RRP15: variants seen among roughly 807,000 people sequenced by gnomAD.
The protein encoded by RRP15 is ribosomal RNA processing 15 homolog, also known as RRP15-like protein.
A neutral mutation model predicts 27.1 loss-of-function variants in RRP15; 18 were observed. The ratio of observed to expected loss-of-function variants is 0.66; its 90% CI spans 0.46 to 0.98. The LOEUF is 0.98. RRP15 is among the 50% of genes least tolerant of loss of function. The probability of loss-of-function intolerance (pLI) is 0.00; values close to 1 mark genes in which losing one functional copy is unlikely to be tolerated. For synonymous variants in RRP15, 107 were observed against 109.4 expected, an observed-to-expected ratio of 0.98 and a Z score of 0.14; for missense variants, 359 against 337.8, an observed-to-expected ratio of 1.06 and a Z score of -0.49.
In RRP15 at chr1:218,331,114, C is replaced by T. The variant is rs759739199; in HGVS notation, c.*23C>T. 4 of 1,592,176 alleles carry T rather than the reference C, an allele frequency of 2.5e-6. No homozygotes were observed. Among genetic ancestry groups the T allele is most frequent in the East Asian group, 2.2e-5 (1 of 44,522 alleles). On this transcript the variant is annotated 3_prime_UTR_variant, in exon 5 of 5. Transcript: ENST00000366932. ...TAAAGCATCATAGGAAATACAATTG[C>T]AGTCGTTTTATTTTTTCTAGAAAAA...
At chr1:218,320,744 T>G (rs1410410698) in intron 4 of RRP15, among the ~76,000 whole-genome samples, 1 of 151,176 alleles carries the variant, frequency 6.6e-6, no homozygotes, top group African/African-American at 2.4e-5. Flanking sequence ...TAAATGAAAT[T>G]AAAACAAAAC....
chr1:218,317,004 G>A (rs1033715723), intron 4 of RRP15, among the ~76,000 whole-genome samples: 10 of 152,182 alleles, frequency 6.6e-5, no homozygotes, highest in African/African-American at 2.2e-4. Flanking sequence ...CTAGAAATGT[G>A]TCCACTTTCT....
chr1:218,305,465 G>T (rs771955698), intron 3 of RRP15, among the ~76,000 whole-genome samples: 2 of 152,086 alleles, frequency 1.3e-5, no homozygotes, highest in Non-Finnish European at 2.9e-5. Flanking sequence ...TATATTTATG[G>T]CATAATACAT....
At chr1:218,312,527 G>T (rs1007778187) in intron 4 of RRP15, among the ~76,000 whole-genome samples, 1 of 152,058 alleles carries the variant, frequency 6.6e-6, no homozygotes, top group South Asian at 2.1e-4. Flanking sequence ...GAACTTTGGG[G>T]TAAAATGTTG....
At chr1:218,295,983 G>T (rs571893314) in intron 1 of RRP15, among the ~76,000 whole-genome samples, 15 of 152,022 alleles carry the variant, frequency 9.9e-5, no homozygotes, top group Non-Finnish European at 1.6e-4. Context: ...GAAAGACCAT[G>T]TGGCATGAGC....
At position 218,337,777 on chromosome 1, in the gene RRP15, C is replaced by T. The variant is rs188252348; in HGVS notation, c.*6686C>T. On this transcript the variant is annotated 3_prime_UTR_variant, in exon 5 of 5. Transcript: ENST00000366932. ...CTTATTCTGTTCTAGAATCCAAACTCTACATACTGTTTAATAGAGCATTAT... is the reference window on the plus strand; with the variant it reads ...CTTATTCTGTTCTAGAATCCAAACTTTACATACTGTTTAATAGAGCATTAT... 11 of 152,226 alleles carry T rather than the reference C, an allele frequency of 7.2e-5. No individual in the cohort carries two copies. The East Asian group carries it at 1.9e-3, about 27-fold the overall frequency. The allele number at this position is 152,226 out of a possible 1,614,324, so 9.4% of individuals were successfully genotyped here.
In RRP15 at chr1:218,299,146, C is replaced by T. The variant is rs116552125; in HGVS notation, c.140-3148C>T. Reference sequence around the variant, plus strand: ...ATCTTTGATATCCTAGAAGTAAATCCTATTTTTTTAGTATGCTGGGAGACT... The same window carrying T: ...ATCTTTGATATCCTAGAAGTAAATCTTATTTTTTTAGTATGCTGGGAGACT... On this transcript the variant is annotated intron_variant, in intron 1 of 4. Transcript: ENST00000366932. 4.1e-3 allele frequency among the ~76,000 whole-genome samples: 622 copies of T among 152,158 alleles called. 4 individuals are homozygous for T. Among genetic ancestry groups the T allele is most frequent in the Non-Finnish European group, 6.7e-3 (455 of 67,990 alleles).
intron 4 of RRP15, among the ~76,000 whole-genome samples, chr1:218,318,579 A>C (rs1404223293): frequency 1.3e-5 from 2 of 152,166 alleles, no homozygotes; most frequent in African/African-American, 4.8e-5. Flanking sequence ...AGTTAGGACT[A>C]CGGGCTTGCT....
At chr1:218,330,595 G>T (rs1347842348) in intron 4 of RRP15, among the ~76,000 whole-genome samples, 2 of 152,088 alleles carry the variant, frequency 1.3e-5, no homozygotes, top group Non-Finnish European at 2.9e-5. Flanking sequence ...ATCACTGAAG[G>T]TTAAATAGTA....
intron 1 of RRP15, among the ~76,000 whole-genome samples, chr1:218,296,529 C>T (rs1655721634): frequency 6.6e-6 from 1 of 151,690 alleles, no homozygotes; most frequent in Admixed American, 6.6e-5. Flanking sequence ...GCCTATAGTC[C>T]CAGCTACTTG....
chr1:218,334,622 A>T lies in RRP15; in HGVS notation c.*3531A>T, dbSNP rs1483408895. ...TATTTGGAAACATTTTTTCCAGTTG[A>T]CCAAAGCAGAATTCATTCTGTTCTT... On this transcript the variant is annotated 3_prime_UTR_variant, in exon 5 of 5. Coordinates refer to ENST00000366932, the MANE Select transcript of RRP15 (RefSeq NM_016052.4). The T allele has an allele frequency of 6.6e-6, 1 of 152,234 alleles. No individual in the cohort carries two copies. Among genetic ancestry groups the T allele is most frequent in the Non-Finnish European group, 1.5e-5 (1 of 68,030 alleles). 9.4% of individuals were successfully genotyped at this position (152,234 alleles called of 1,614,324 possible).
Position 218,334,556 on chromosome 1 carries a change from A to C in RRP15, c.*3465A>C, listed in dbSNP as rs968486429. 1 of 152,216 alleles carries C rather than the reference A, an allele frequency of 6.6e-6. No homozygotes were observed. Among genetic ancestry groups the C allele is most frequent in the African/African-American group, 2.4e-5 (1 of 41,460 alleles). The allele number at this position is 152,216 out of a possible 1,614,324, so 9.4% of individuals were successfully genotyped here. On this transcript the variant is annotated 3_prime_UTR_variant, in exon 5 of 5. Transcript: ENST00000366932. ...AAGTTTATGTAGAGCTGTGAATATT[A>C]TAATTTGTCAATACTTTATTGATAA...
rs907403406 is a variant in RRP15, at chr1:218,331,453, A to G, written c.*362A>G. The G allele has an allele frequency of 1.3e-5, 2 of 155,552 alleles. No individual in the cohort carries two copies. Among genetic ancestry groups the G allele is most frequent in the African/African-American group, 4.8e-5 (2 of 41,522 alleles). The allele number at this position is 155,552 out of a possible 1,614,324, so 9.6% of individuals were successfully genotyped here. On this transcript the variant is annotated 3_prime_UTR_variant, in exon 5 of 5. Coordinates refer to ENST00000366932, the MANE Select transcript of RRP15 (RefSeq NM_016052.4). ...CATCATTAAACTCTTTGAAGTTAAT[A>G]TTTTTCTGCCTTCTAACTTATAGAC... is the stretch of plus-strand genomic sequence containing the variant.
chr1:218,287,601 TTAAAAGG>T (rs779306716), intron 1 of RRP15, among the ~76,000 whole-genome samples: 2 of 152,184 alleles, frequency 1.3e-5, no homozygotes, highest in Non-Finnish European at 2.9e-5. Context: ...ATTAGTATAA[TTAAAAGG>T]TAGTTTTCAA....
rs746038946 is a variant in RRP15, at chr1:218,336,879, T to C, written c.*5788T>C. ...ATGACTGCCGTATCTTGGTCCTTAC[T>C]AGGATTCCCAAATATACTCCTTAAT... On this transcript the variant is annotated 3_prime_UTR_variant, in exon 5 of 5. Transcript: ENST00000366932. 3.3e-5 allele frequency: 5 copies of C among 152,212 alleles called. No individual in the cohort carries two copies. The highest frequency in any genetic ancestry group is 7.3e-5 in the Non-Finnish European group (5 of 68,038). The allele number at this position is 152,212 out of a possible 1,614,324, so 9.4% of individuals were successfully genotyped here.
intron 4 of RRP15, among the ~76,000 whole-genome samples, chr1:218,308,062 CTTTTTTTTTTT>C (rs56813511): frequency 1.9e-4 from 13 of 66,928 alleles, no homozygotes; most frequent in South Asian, 7.1e-4. Flanking sequence ...TTCTTTCTTT[CTTTTTTTTTTT>C]TTTTTTTTTT....
intron 4 of RRP15, among the ~76,000 whole-genome samples, chr1:218,313,348 A>G (rs1464432265): frequency 6.6e-6 from 1 of 152,150 alleles, no homozygotes; most frequent in Non-Finnish European, 1.5e-5. Flanking sequence ...TTGGAGAGGC[A>G]ATTTTAAGGT....
At position 218,331,036 on chromosome 1, in the gene RRP15, A is replaced by G; in HGVS notation, c.794A>G (p.Glu265Gly). 6.2e-7 allele frequency: 1 copy of G among 1,613,856 alleles called. No individual in the cohort carries two copies. Among genetic ancestry groups the G allele is most frequent in the East Asian group, 2.2e-5 (1 of 44,868 alleles). ...MGASMKDWDK[E>G]SDGPDDSRPE... ...GCATCTATGAAAGACTGGGACAAGG[A>G]AAGTGATGGGCCAGATGACAGCAGA... The change falls in exon 5 of 5, where the codon GAA becomes GGA. Residue 265 changes from glutamate (E) to glycine (G), a missense_variant. Physicochemically the swap from Glu to Gly is moderately conservative, Grantham distance 98 (BLOSUM62 -2). Coordinates refer to ENST00000366932, the MANE Select transcript of RRP15 (RefSeq NM_016052.4).
In RRP15 at chr1:218,337,493, T is replaced by G. The variant is rs899170066; in HGVS notation, c.*6402T>G. The G allele has an allele frequency of 1.8e-4, 27 of 152,324 alleles. No individual in the cohort carries two copies. The highest frequency in any genetic ancestry group is 6.5e-4 in the African/African-American group (27 of 41,584). 9.4% of individuals were successfully genotyped at this position (152,324 alleles called of 1,614,324 possible). Reference sequence around the variant, plus strand: ...AAACTATCGAACCACCAGTCTTCTGTCAATTCCTTTTAAAATGATGGTTGT... The same window carrying G: ...AAACTATCGAACCACCAGTCTTCTGGCAATTCCTTTTAAAATGATGGTTGT... On this transcript the variant is annotated 3_prime_UTR_variant, in exon 5 of 5. Transcript: ENST00000366932.
Sources: allele counts gnomAD v4.1 joint callset (sites outside exome capture counted in the v4.1 genomes callset), GRCh38; gene constraint gnomAD v4.1.1; transcripts MANE v1.5; gene names NCBI Gene and HGNC (gene_info 2026-07-23, HGNC 2026-07-21).